The following PIK3C2G variants were observed in gnomAD, a reference collection of about 807,000 sequenced individuals.
PIK3C2G encodes the protein phosphatidylinositol 3-kinase C2 domain-containing subunit gamma.
In PIK3C2G, 168 loss-of-function variants were observed where a neutral mutation model predicts 181.1. That is an observed-to-expected ratio of 0.93 (90% CI 0.82 to 1.05). The LOEUF is 1.05. PIK3C2G is among the 50% of genes least tolerant of loss of function. PIK3C2G has a pLI of 0.00. For synonymous variants in PIK3C2G, 573 were observed against 592.2 expected, an observed-to-expected ratio of 0.97 and a Z score of 0.47; for missense variants, 1,869 against 1,732.8, an observed-to-expected ratio of 1.08 and a Z score of -1.40.
chr12:18,686,030 T>A, the PIK3C2G span, among the ~76,000 whole-genome samples: 1 of 152,066 alleles, frequency 6.6e-6, no homozygotes, highest in African/African-American at 2.4e-5. Context: ...AATGTTATCC[T>A]TTTCCTCCCA....
chr12:18,406,824 G>A (rs533791522), intron 16 of PIK3C2G, among the ~76,000 whole-genome samples: 1 of 152,048 alleles, frequency 6.6e-6, no homozygotes, highest in Non-Finnish European at 1.5e-5. Flanking sequence ...AGAAAAATGT[G>A]GAAATTTCAG....
the PIK3C2G span, chr12:18,693,135 C>A: frequency 2.0e-6 from 3 of 1,510,990 alleles, no homozygotes; most frequent in African/African-American, 4.1e-5. Context: ...TGATGACAAT[C>A]ATGCCATCGT....
At chr12:18,255,252 T>TAAATAAATAAATAAACAAAC (rs1555136296) in intron 1 of PIK3C2G, among the ~76,000 whole-genome samples, 1 of 143,730 alleles carries the variant, frequency 7.0e-6, no homozygotes, top group African/African-American at 2.6e-5. Context: ...AATAAATAAA[T>TAAATAAATAAATAAACAAAC]AAACAAACAA....
At position 18,491,525 on chromosome 12, in the gene PIK3C2G, C is replaced by T. The variant is rs1288890184; in HGVS notation, c.2760C>T (p.Asn920=). 5.6e-6 allele frequency: 9 copies of T among 1,604,074 alleles called. No homozygotes were observed. Among genetic ancestry groups the T allele is most frequent in the African/African-American group, 4.0e-5 (3 of 74,708 alleles). Reference sequence around the variant, plus strand: ...TAAATACTTGTCATCTTCCTCTGAACCCTGCCCTATGTATAAAAGGGATTG... The same window carrying T: ...TAAATACTTGTCATCTTCCTCTGAATCCTGCCCTATGTATAAAAGGGATTG... ...QDVNTCHLPL[N]PALCIKGIDH... The change falls in exon 20 of 33, where the codon AAC becomes AAT. Residue 920 remains asparagine (N), a synonymous_variant. Transcript: ENST00000538779.
intron 30 of PIK3C2G, among the ~76,000 whole-genome samples, chr12:18,603,574 G>T (rs1947846812): frequency 6.6e-6 from 1 of 152,074 alleles, no homozygotes; most frequent in South Asian, 2.1e-4. Flanking sequence ...TTGTCATCAG[G>T]TTATCCAAAT....
In PIK3C2G at chr12:18,491,554, A is replaced by G. The variant is rs748681043; in HGVS notation, c.2789A>G (p.His930Arg). 1 of 1,509,346 alleles carries G rather than the reference A, an allele frequency of 6.6e-7. No individual in the cohort carries two copies. The highest frequency in any genetic ancestry group is 9.2e-7 in the Non-Finnish European group (1 of 1,088,826). The allele number at this position is 1,509,346 out of a possible 1,614,324, so 93.5% of individuals were successfully genotyped here. A position where few individuals can be genotyped will look rare whatever the true frequency, so the allele number is the denominator to read the frequency against. ...GCCCTATGTATAAAAGGGATTGATC[A>G]CGATGTAAGTCAACTTATTCCTCAG... ...NPALCIKGIDHDACSYFTSNA... is the reference protein window; with the variant it reads ...NPALCIKGIDRDACSYFTSNA... The change falls in exon 20 of 33, where the codon CAC (histidine) becomes CGC (arginine). Residue 930 changes from histidine to arginine, a missense_variant. Coordinates refer to ENST00000538779, the MANE Select transcript of PIK3C2G (RefSeq NM_001288772.2).
In PIK3C2G at chr12:18,425,043, G is replaced by C. The variant is rs77719362; in HGVS notation, c.2504+1004G>C. On this transcript the variant is annotated intron_variant, in intron 18 of 32. Transcript: ENST00000538779. ...AAAAAATGATAATGATGATGCTGAT[G>C]ATGATTCAGCAGATATGGATGAATC... 2.6e-3 allele frequency: 471 copies of C among 181,204 alleles called. 4 individuals carry two copies. Among genetic ancestry groups the C allele is most frequent in the African/African-American group, 9.1e-3 (384 of 42,200 alleles). The allele number at this position is 181,204 out of a possible 1,614,324, so 11.2% of individuals were successfully genotyped here. A position where few individuals can be genotyped will look rare whatever the true frequency, so the allele number is the denominator to read the frequency against.
chr12:18,695,947 T>C, the PIK3C2G span, among the ~76,000 whole-genome samples: 1 of 151,858 alleles, frequency 6.6e-6, no homozygotes, highest in Non-Finnish European at 1.5e-5. Flanking sequence ...CCCCAAACCA[T>C]CACTGAGATT....
chr12:18,546,619 G>T (rs1019660618), intron 26 of PIK3C2G, among the ~76,000 whole-genome samples, 187 bp downstream of exon 26: 1 of 152,026 alleles, frequency 6.6e-6, no homozygotes, highest in Non-Finnish European at 1.5e-5. Flanking sequence ...GCCTTAGTCA[G>T]TGTTTCTGCA....
intron 3 of PIK3C2G, among the ~76,000 whole-genome samples, chr12:18,289,403 C>A (rs911068398): frequency 5.3e-5 from 8 of 152,130 alleles, no homozygotes; most frequent in South Asian, 2.1e-4. Context: ...AATTTAATTT[C>A]TTAAAATGGT....
rs1479342006 is a variant in PIK3C2G, at chr12:18,538,227, A to G, written c.3395A>G (p.His1132Arg). Residue 1132 changes from histidine to arginine, a missense_variant, in exon 25 of 33, where the codon CAT becomes CGT. By Grantham distance (29) the His-to-Arg change is conservative. Coordinates refer to ENST00000538779, the MANE Select transcript of PIK3C2G (RefSeq NM_001288772.2). ...ACAGAGGGTGGGAAAAACCCACAGC[A>G]TTTTCAAGATTTTGTGGAACTTTGC... ...FITEGGKNPQ[H>R]FQDFVELCCR... 1 of 1,612,428 alleles carries G rather than the reference A, an allele frequency of 6.2e-7. No homozygotes were observed. Among genetic ancestry groups the G allele is most frequent in the Non-Finnish European group, 8.5e-7 (1 of 1,179,030 alleles).
intron 16 of PIK3C2G, among the ~76,000 whole-genome samples, chr12:18,415,631 A>G (rs2135667041): frequency 6.6e-6 from 1 of 152,346 alleles, no homozygotes; most frequent in South Asian, 2.1e-4. Context: ...CGTGAAAGGC[A>G]TGTTGAAAGC....
the PIK3C2G span, chr12:18,693,360 C>T: frequency 9.4e-6 from 15 of 1,599,250 alleles, no homozygotes; most frequent in East Asian, 2.2e-5. Flanking sequence ...CAACCAAATT[C>T]GGGAAATTAA....
intron 1 of PIK3C2G, among the ~76,000 whole-genome samples, chr12:18,271,183 C>T (rs1186610148): frequency 1.3e-5 from 2 of 152,044 alleles, no homozygotes; most frequent in African/African-American, 4.8e-5. Flanking sequence ...AAATTCCATT[C>T]CTTAGAGTCC....
At chr12:18,432,180 T>G (rs1238197518) in intron 18 of PIK3C2G, among the ~76,000 whole-genome samples, 1 of 152,206 alleles carries the variant, frequency 6.6e-6, no homozygotes, top group Non-Finnish European at 1.5e-5. Context: ...CTAATAAATA[T>G]CTATGAAAAT....
chr12:18,370,496 T>C (rs1448815523), intron 12 of PIK3C2G, among the ~76,000 whole-genome samples: 1 of 152,130 alleles, frequency 6.6e-6, no homozygotes, highest in Non-Finnish European at 1.5e-5. Context: ...CCCAGAATGG[T>C]CCACATTTAA....
At chr12:18,656,740 A>G in the PIK3C2G span, among the ~76,000 whole-genome samples, 1 of 69,752 alleles carries the variant, frequency 1.4e-5, no homozygotes, top group Non-Finnish European at 2.8e-5. Context: ...GTCTCAAACA[A>G]CAGCAACAAC....
At chr12:18,281,196 T>C (rs1565548644) in intron 1 of PIK3C2G, among the ~76,000 whole-genome samples, 1 of 117,118 alleles carries the variant, frequency 8.5e-6, no homozygotes, top group Admixed American at 9.5e-5. Context: ...AGGTATGAAA[T>C]AATTTACAAT....
At chr12:18,689,030 T>G in the PIK3C2G span, among the ~76,000 whole-genome samples, 1 of 152,044 alleles carries the variant, frequency 6.6e-6, no homozygotes, top group African/African-American at 2.4e-5. Context: ...AACACTAATG[T>G]GTGATTTTTC....
Sources: allele counts gnomAD v4.1 joint callset (sites outside exome capture counted in the v4.1 genomes callset), GRCh38; gene constraint gnomAD v4.1.1; transcripts MANE v1.5; gene names NCBI Gene and HGNC (gene_info 2026-07-23, HGNC 2026-07-21).